The following PHACTR2 variants were observed in gnomAD, a reference collection of about 807,000 sequenced individuals.
PHACTR2 encodes the protein chromosome 6 open reading frame 56.
Under a neutral mutation model 76.0 loss-of-function variants are expected in PHACTR2, and 30 were observed. That is an observed-to-expected ratio of 0.39 (90% CI 0.30 to 0.54). PHACTR2 has a LOEUF of 0.54. Among genes scored for constraint, PHACTR2 ranks in the 20% least tolerant of loss-of-function variants. The pLI, the probability that PHACTR2 is intolerant of heterozygous loss-of-function variation, is 0.61. For synonymous variants in PHACTR2, 292 were observed against 292.5 expected (o/e 1.00, Z 0.02); for missense variants, 696 against 781.1 (o/e 0.89, Z 1.30).
chr6:143,624,436 G>A lies in PHACTR2; in HGVS notation c.13+16114G>A, dbSNP rs557516761. The stretch of plus-strand genomic sequence containing the variant: ...TCTTGTTAATTCTTATGACCAAGAC[G>A]CAGTCATAGTTACTAATTCATATTC... On this transcript the variant is annotated intron_variant, in intron 1 of 11. Transcript: ENST00000305766. This position sits in a 1 kb window ranked among gnomAD's most constrained non-coding sequence, Gnocchi z 4.6. 1.3e-5 allele frequency among the ~76,000 whole-genome samples: 2 copies of A among 152,218 alleles called. No individual in the cohort carries two copies. The highest frequency in any genetic ancestry group is 1.9e-4 in the East Asian group (1 of 5,166).
At chr6:143,741,610 A>C (rs1778944925) in intron 2 of PHACTR2, among the ~76,000 whole-genome samples, 1 of 152,232 alleles carries the variant, frequency 6.6e-6, no homozygotes, top group Non-Finnish European at 1.5e-5. Flanking sequence ...GATGATTACT[A>C]TCAGATTTCT....
chr6:143,650,771 G>T (rs1156462108), intron 1 of PHACTR2, among the ~76,000 whole-genome samples: 1 of 151,992 alleles, frequency 6.6e-6, no homozygotes, highest in East Asian at 1.9e-4. Context: ...CATAGGCATG[G>T]GCAAAGATTT....
intron 1 of PHACTR2, among the ~76,000 whole-genome samples, chr6:143,629,759 G>T (rs527868711): frequency 1.1e-4 from 16 of 152,046 alleles, no homozygotes; most frequent in Non-Finnish European, 2.2e-4. Context: ...CCAAAACAGA[G>T]CAGTGCGCTC....
intron 1 of PHACTR2, among the ~76,000 whole-genome samples, chr6:143,594,909 A>G (rs553604953): frequency 5.4e-4 from 83 of 152,332 alleles, no homozygotes; most frequent in Non-Finnish European, 8.2e-4. Flanking sequence ...GGGATGTTTG[A>G]CATCATAGGC....
intron 2 of PHACTR2, among the ~76,000 whole-genome samples, chr6:143,735,229 G>A (rs573282434): frequency 4.1e-4 from 62 of 152,112 alleles, no homozygotes; most frequent in African/African-American, 1.4e-3. Context: ...CAAAGTATAA[G>A]TGTTTACTTA....
rs1476714909 is a variant in PHACTR2, at chr6:143,684,583, T to A, written c.46+6374T>A. ...ATTTTGATAGACTTTGCTACATTAT[T>A]CTCAAAGAGGCTTTCTCAGTGTTAT... On this transcript the variant is annotated intron_variant, in intron 1 of 12. Coordinates refer to ENST00000440869, the MANE Select transcript of PHACTR2 (RefSeq NM_001100164.2). The surrounding 1 kb of genome is among the most constrained non-coding windows in gnomAD (Gnocchi z 4.3). Among the ~76,000 whole-genome samples the A allele has an allele frequency of 6.6e-6, 1 of 152,240 alleles. No homozygotes were observed. Among genetic ancestry groups the A allele is most frequent in the Non-Finnish European group, 1.5e-5 (1 of 68,042 alleles).
At chr6:143,631,298 C>T (rs942190250) in intron 1 of PHACTR2, among the ~76,000 whole-genome samples, 24 of 152,124 alleles carry the variant, frequency 1.6e-4, no homozygotes, top group African/African-American at 5.8e-4. Flanking sequence ...TCAAGCGATC[C>T]TCCTGCCTCA....
chr6:143,572,356 C>T (rs1775454387), intron 1 of PHACTR2, among the ~76,000 whole-genome samples: 1 of 152,212 alleles, frequency 6.6e-6, no homozygotes, highest in African/African-American at 2.4e-5. Flanking sequence ...ACAGCCTCAA[C>T]ACTGAAGTGA....
Position 143,708,982 on chromosome 6 carries a change from C to T in PHACTR2, c.47-3034C>T, listed in dbSNP as rs1778110713. On this transcript the variant is annotated intron_variant, in intron 1 of 12. Coordinates refer to ENST00000440869, the MANE Select transcript of PHACTR2 (RefSeq NM_001100164.2). The surrounding 1 kb of genome is among the most constrained non-coding windows in gnomAD (Gnocchi z 5.5). ...TTGTTTCTATGTTCATAATAATTAG[C>T]CCTTTTATATTTTACAACATTTAAG... Among the ~76,000 whole-genome samples, 1 of 152,068 alleles carries T rather than the reference C, an allele frequency of 6.6e-6. No homozygotes were observed. Among genetic ancestry groups the T allele is most frequent in the South Asian group, 2.1e-4 (1 of 4,824 alleles).
Position 143,807,038 on chromosome 6 carries a change from T to G in PHACTR2, c.1846-19T>G. 1.4e-6 allele frequency: 2 copies of G among 1,405,214 alleles called. No homozygotes were observed. Among genetic ancestry groups the G allele is most frequent in the Non-Finnish European group, 2.0e-6 (2 of 994,800 alleles). 87.0% of individuals were successfully genotyped at this position (1,405,214 alleles called of 1,614,324 possible). A position where few individuals can be genotyped will look rare whatever the true frequency, so the allele number is the denominator to read the frequency against. ...GACCTAAATAACAGTTCTGTTTATCTATTTTTTTTCCTGTTTAGGCAGCAA... is the reference window on the plus strand; with the variant it reads ...GACCTAAATAACAGTTCTGTTTATCGATTTTTTTTCCTGTTTAGGCAGCAA... On this transcript the variant is annotated intron_variant, in intron 11 of 12. Transcript: ENST00000440869. This position sits in a 1 kb window ranked among gnomAD's most constrained non-coding sequence, Gnocchi z 5.5.
chr6:143,688,696 C>T lies in PHACTR2; in HGVS notation c.46+10487C>T, dbSNP rs538273792. Reference sequence around the variant, plus strand: ...TGTCCTTTTCTCTTCCCAAATATATCTCAAGTCCATGCTCTTCCGTCTGTC... The same window carrying T: ...TGTCCTTTTCTCTTCCCAAATATATTTCAAGTCCATGCTCTTCCGTCTGTC... On this transcript the variant is annotated intron_variant, in intron 1 of 12. Coordinates refer to ENST00000440869, the MANE Select transcript of PHACTR2 (RefSeq NM_001100164.2). This position sits in a 1 kb window ranked among gnomAD's most constrained non-coding sequence, Gnocchi z 5.2. 6.6e-6 allele frequency among the ~76,000 whole-genome samples: 1 copy of T among 152,164 alleles called. No individual in the cohort carries two copies. The highest frequency in any genetic ancestry group is 1.5e-5 in the Non-Finnish European group (1 of 68,026).
Position 143,654,877 on chromosome 6 carries a change from G to T in PHACTR2, c.13+46555G>T, listed in dbSNP as rs1002783280. ...GACGACTCTTAAAAACATCATGCTA[G>T]CCGGGCACTGTGGCTCACGCCTGTA... On this transcript the variant is annotated intron_variant, in intron 1 of 11. Coordinates refer to the PHACTR2 transcript ENST00000305766. This position sits in a 1 kb window ranked among gnomAD's most constrained non-coding sequence, Gnocchi z 4.6. 5.9e-5 allele frequency among the ~76,000 whole-genome samples: 9 copies of T among 152,248 alleles called. No homozygotes were observed. Among genetic ancestry groups the T allele is most frequent in the Non-Finnish European group, 1.2e-4 (8 of 68,016 alleles).
chr6:143,660,672 C>A (rs147743306), intron 1 of PHACTR2, among the ~76,000 whole-genome samples: 1 of 152,286 alleles, frequency 6.6e-6, no homozygotes, highest in African/African-American at 2.4e-5. Flanking sequence ...GAAACATGGC[C>A]TCCAAATAAC....
intron 1 of PHACTR2, among the ~76,000 whole-genome samples, chr6:143,632,538 A>T (rs1218623125): frequency 6.6e-6 from 1 of 152,212 alleles, no homozygotes; most frequent in African/African-American, 2.4e-5. Context: ...CCGACTATGG[A>T]CATCCACCAC....
chr6:143,642,583 T>C (rs142011553), intron 1 of PHACTR2, among the ~76,000 whole-genome samples: 59 of 152,292 alleles, frequency 3.9e-4, no homozygotes, highest in African/African-American at 1.3e-3. Flanking sequence ...TTATTTGGAA[T>C]AGGGTTGTTG....
At chr6:143,717,690 A>C (rs1356953130) in intron 2 of PHACTR2, among the ~76,000 whole-genome samples, 2 of 151,822 alleles carry the variant, frequency 1.3e-5, no homozygotes, top group African/African-American at 2.4e-5. Context: ...CTCCCACCTG[A>C]GCCTCCCAAA....
At chr6:143,781,663 T>C (rs1367606219) in intron 9 of PHACTR2, among the ~76,000 whole-genome samples, 1 of 152,240 alleles carries the variant, frequency 6.6e-6, no homozygotes, top group Non-Finnish European at 1.5e-5. Flanking sequence ...TTGTTTATTA[T>C]GTATTTTGAC....
intron 1 of PHACTR2, among the ~76,000 whole-genome samples, chr6:143,573,006 A>G (rs1455796298): frequency 6.6e-6 from 1 of 152,236 alleles, no homozygotes; most frequent in Non-Finnish European, 1.5e-5. Flanking sequence ...TTACTTTCTA[A>G]TTTGAAATAA....
At position 143,733,422 on chromosome 6, in the gene PHACTR2, G is replaced by A. The variant is rs548323398; in HGVS notation, c.215-15563G>A. 2.0e-5 allele frequency among the ~76,000 whole-genome samples: 3 copies of A among 152,206 alleles called. No homozygotes were observed. Among genetic ancestry groups the A allele is most frequent in the South Asian group, 2.1e-4 (1 of 4,820 alleles). ...TTCAGTAAATGTATATTGAATGAAC[G>A]AATGAATGAATGAATGGCTCTTGAT... On this transcript the variant is annotated intron_variant, in intron 2 of 12. Transcript: ENST00000440869. This position sits in a 1 kb window ranked among gnomAD's most constrained non-coding sequence, Gnocchi z 4.0.
Sources: allele counts gnomAD v4.1 joint callset (sites outside exome capture counted in the v4.1 genomes callset), GRCh38; gene constraint gnomAD v4.1.1; non-coding constraint Gnocchi (gnomAD v3.1); transcripts MANE v1.5; gene names NCBI Gene and HGNC (gene_info 2026-07-23, HGNC 2026-07-21).